The following ATP13A4 variants were observed in gnomAD, a reference collection of about 807,000 sequenced individuals.
ATP13A4 encodes the protein ATPase 13A4.
In ATP13A4, 114 loss-of-function variants were observed where a neutral mutation model predicts 142.5. The observed-to-expected ratio is 0.80, with a 90% CI of 0.69 to 0.93. ATP13A4 has a LOEUF of 0.93. Ranked by LOEUF, ATP13A4 falls within the 40% of genes least tolerant of loss-of-function variation. The pLI is 0.00. For missense variants in ATP13A4, 1,392 were observed against 1,454.0 expected (o/e 0.96, Z 0.69); for synonymous variants, 488 against 514.8 (o/e 0.95, Z 0.70).
At chr3:193,457,238 T>C (rs921771412) in intron 15 of ATP13A4, 85 bp from the exon 16 acceptor site, 1 of 1,587,494 alleles carries the variant, frequency 6.3e-7, no homozygotes, top group African/African-American at 1.3e-5. Flanking sequence ...GTAATATTCA[T>C]TTTAACAAAT....
intron 9 of ATP13A4, among the ~76,000 whole-genome samples, chr3:193,469,597 C>T (rs1338407609): frequency 6.6e-6 from 1 of 152,188 alleles, no homozygotes; most frequent in African/African-American, 2.4e-5. Flanking sequence ...TACTGCACTT[C>T]AACCTGCGTG....
rs1714263733 is a variant in ATP13A4, at chr3:193,401,618, C to T, written c.*1034G>A. ...GCTTTCTGATCTGTTATTTTCCTCT[C>T]CTTCCCAGGACTACGTTCCAGACCA... On this transcript the variant is annotated 3_prime_UTR_variant, in exon 30 of 30. Transcript: ENST00000342695. 1.3e-5 allele frequency among the ~76,000 whole-genome samples: 2 copies of T among 152,290 alleles called. No individual in the cohort carries two copies. Among genetic ancestry groups the T allele is most frequent in the South Asian group, 2.1e-4 (1 of 4,820 alleles).
At chr3:193,409,217 T>G (rs1714649777) in intron 28 of ATP13A4, among the ~76,000 whole-genome samples, 1 of 152,156 alleles carries the variant, frequency 6.6e-6, no homozygotes, top group Non-Finnish European at 1.5e-5. Flanking sequence ...ATTCCATCCT[T>G]TTAAAAAAAA....
At chr3:193,512,738 G>T (rs1362600736) in intron 2 of ATP13A4, among the ~76,000 whole-genome samples, 1 of 152,168 alleles carries the variant, frequency 6.6e-6, no homozygotes, top group Non-Finnish European at 1.5e-5. Flanking sequence ...ACAGTGCAAT[G>T]GAAAAGCCCT....
chr3:193,587,736 T>G (rs561928627), intron 1 of ATP13A4, among the ~76,000 whole-genome samples: 36 of 152,356 alleles, frequency 2.4e-4, no homozygotes, highest in Non-Finnish European at 1.5e-4. Flanking sequence ...TGCCTTACAT[T>G]TCTTGTTCTT....
At chr3:193,556,002 T>C (rs1723872410), upstream of ATP13A4, among the ~76,000 whole-genome samples, 1 of 152,226 alleles carries the variant, frequency 6.6e-6, no homozygotes, top group African/African-American at 2.4e-5. Flanking sequence ...ATTATTAAAC[T>C]AAATGTGCAT....
chr3:193,458,947 G>T, intron 14 of ATP13A4, 134 bp downstream of exon 14: 2 of 1,169,524 alleles, frequency 1.7e-6, no homozygotes, highest in South Asian at 1.2e-5. Context: ...GCCTTAGATT[G>T]GTTTGCCCTT....
chr3:193,407,210 G>A, intron 29 of ATP13A4, 103 bp downstream of exon 29: 1 of 1,012,630 alleles, frequency 9.9e-7, no homozygotes, highest in Non-Finnish European at 1.5e-6. Flanking sequence ...GCACTGCTGA[G>A]TCCATGTCAG....
At chr3:193,482,140 C>A (rs992943546) in intron 8 of ATP13A4, among the ~76,000 whole-genome samples, 22 of 152,166 alleles carry the variant, frequency 1.4e-4, no homozygotes, top group African/African-American at 5.1e-4. Context: ...ATAGATCCAC[C>A]TATATGTGAA....
At chr3:193,565,117 T>C (rs1724105937) in intron 2 of ATP13A4, among the ~76,000 whole-genome samples, 1 of 152,232 alleles carries the variant, frequency 6.6e-6, no homozygotes, top group East Asian at 1.9e-4. Flanking sequence ...CCGTGCACAA[T>C]AAATGTTAAT....
At chr3:193,416,399 T>C (rs999415848) in intron 25 of ATP13A4, among the ~76,000 whole-genome samples, 1 of 152,134 alleles carries the variant, frequency 6.6e-6, no homozygotes, top group African/African-American at 2.4e-5. Context: ...ATCTTAAATA[T>C]GCTGAAATAA....
rs540931143 is a variant in ATP13A4, at chr3:193,517,647, AT to A, written c.61-2777del. ...AGGCGCCCGCCACCACGCCCGGCTA[AT>A]TTTTTTTGTATTTTTTTAGTAGAGA... is the stretch of plus-strand genomic sequence containing the variant. On this transcript the variant is annotated intron_variant, in intron 1 of 29. Coordinates refer to ENST00000342695, the MANE Select transcript of ATP13A4 (RefSeq NM_032279.4). Among the ~76,000 whole-genome samples, 1,174 of 151,626 alleles carry A rather than the reference AT, an allele frequency of 7.7e-3. 5 individuals are homozygous for A. The highest frequency in any genetic ancestry group is 0.012 in the Non-Finnish European group (846 of 67,846).
chr3:193,513,178 G>T (rs1296824845), intron 2 of ATP13A4, among the ~76,000 whole-genome samples: 3 of 152,156 alleles, frequency 2.0e-5, no homozygotes, highest in African/African-American at 7.2e-5. Context: ...GGTGAGGCTG[G>T]CCCCAATGGA....
Position 193,442,463 on chromosome 3 carries a change from G to T in ATP13A4, c.2246C>A (p.Thr749Asn). The T allele has an allele frequency of 6.2e-7, 1 of 1,614,060 alleles. No homozygotes were observed. Among genetic ancestry groups the T allele is most frequent in the Non-Finnish European group, 8.5e-7 (1 of 1,179,920 alleles). Residue 749 changes from threonine to asparagine, a missense_variant, in exon 19 of 30, where the codon ACC (threonine) becomes AAC (asparagine). Physicochemically the swap from Thr to Asn is moderately conservative, Grantham distance 65. Transcript: ENST00000342695. ...KVILIEANETTGSSSASISWT... is the reference protein window; with the variant it reads ...KVILIEANETNGSSSASISWT... Reference sequence around the variant, plus strand: ...AGATATAGATGCTGATGAGGACCCGGTGGTTTCATTTGCCTCAATGAGAAT... The same window carrying T: ...AGATATAGATGCTGATGAGGACCCGTTGGTTTCATTTGCCTCAATGAGAAT...
At chr3:193,470,155 C>T (rs1718536896) in intron 9 of ATP13A4, among the ~76,000 whole-genome samples, 1 of 152,204 alleles carries the variant, frequency 6.6e-6, no homozygotes, top group Admixed American at 6.5e-5. Context: ...TATGATTCTT[C>T]TTTATCTTAC....
intron 1 of ATP13A4, among the ~76,000 whole-genome samples, chr3:193,515,929 C>A (rs1386011032): frequency 6.6e-6 from 1 of 152,188 alleles, no homozygotes; most frequent in African/African-American, 2.4e-5. Context: ...TTTTTCAGTA[C>A]ATTATTTAAC....
At chr3:193,439,647 T>C (rs1279274339) in intron 21 of ATP13A4, among the ~76,000 whole-genome samples, 5 of 152,178 alleles carry the variant, frequency 3.3e-5, no homozygotes, top group African/African-American at 4.8e-5. Flanking sequence ...AGAAAACACA[T>C]CCTTGTTTCA....
intron 1 of ATP13A4, among the ~76,000 whole-genome samples, chr3:193,552,298 G>A (rs1723624135): frequency 6.6e-6 from 1 of 152,128 alleles, no homozygotes; most frequent in Admixed American, 6.6e-5. Context: ...ACTCCAAAAT[G>A]GAAGATAATC....
chr3:193,489,686 T>G (rs202037586), intron 7 of ATP13A4, 44 bp downstream of exon 7: 40 of 1,572,100 alleles, frequency 2.5e-5, no homozygotes, highest in Middle Eastern at 3.6e-4. Context: ...ATAAAGTCAT[T>G]ATCCTTCCCT....
Sources: allele counts gnomAD v4.1 joint callset (sites outside exome capture counted in the v4.1 genomes callset), GRCh38; gene constraint gnomAD v4.1.1; transcripts MANE v1.5; gene names NCBI Gene and HGNC (gene_info 2026-07-23, HGNC 2026-07-21).